Variants in ARHGEF28 observed in about 807,000 individuals in gnomAD.
ARHGEF28 encodes the protein Rho guanine nucleotide exchange factor 28.
ARHGEF28 carries 152 observed loss-of-function variants against 206.6 expected under a neutral mutation model. That is an observed-to-expected ratio of 0.74 (90% CI 0.64 to 0.84). ARHGEF28 has a LOEUF of 0.84. Ranked by LOEUF, ARHGEF28 falls within the 40% of genes least tolerant of loss-of-function variation. The probability of loss-of-function intolerance (pLI) is 0.00; values close to 1 mark genes in which losing one functional copy is unlikely to be tolerated. For missense variants in ARHGEF28, 2,028 were observed against 2,073.2 expected (o/e 0.98, Z 0.42); for synonymous variants, 763 against 776.4 (o/e 0.98, Z 0.29).
chr5:73,882,094 C>G (rs1760992156), intron 22 of ARHGEF28, among the ~76,000 whole-genome samples: 1 of 151,156 alleles, frequency 6.6e-6, no homozygotes, highest in Non-Finnish European at 1.5e-5. Flanking sequence ...TTTGGGGGGC[C>G]AGACCTTCCT....
At chr5:73,895,297 G>A (rs544842017) in intron 29 of ARHGEF28, among the ~76,000 whole-genome samples, 1 of 152,286 alleles carries the variant, frequency 6.6e-6, no homozygotes, top group African/African-American at 2.4e-5. Context: ...AGAAAGTCCA[G>A]AGGATGAGAG....
chr5:73,866,930 A>G (rs549634932), intron 18 of ARHGEF28, among the ~76,000 whole-genome samples: 19 of 152,342 alleles, frequency 1.2e-4, no homozygotes, highest in African/African-American at 4.6e-4. Flanking sequence ...ACAATTATGC[A>G]TGCAAATTTG....
chr5:73,744,672 T>C (rs1046286618), intron 2 of ARHGEF28, among the ~76,000 whole-genome samples: 3 of 152,092 alleles, frequency 2.0e-5, no homozygotes, highest in Non-Finnish European at 4.4e-5. Context: ...GATTATAATA[T>C]TTAACAGTCA....
intron 21 of ARHGEF28, among the ~76,000 whole-genome samples, chr5:73,871,080 C>G (rs1006915324): frequency 6.6e-6 from 1 of 152,130 alleles, no homozygotes; most frequent in African/African-American, 2.4e-5. Context: ...AAGATGCTGT[C>G]CCTCTTAGTA....
At chr5:73,751,425 A>G (rs1752014642) in intron 3 of ARHGEF28, among the ~76,000 whole-genome samples, 1 of 152,074 alleles carries the variant, frequency 6.6e-6, no homozygotes, top group African/African-American at 2.4e-5. Context: ...GAAAACAAAA[A>G]CCAAAACAAA....
At chr5:73,705,831 C>G (rs1220995977) in intron 2 of ARHGEF28, among the ~76,000 whole-genome samples, 1 of 152,154 alleles carries the variant, frequency 6.6e-6, no homozygotes, top group Non-Finnish European at 1.5e-5. Context: ...CAAATGTTGA[C>G]CCCCAATGAT....
chr5:73,877,821 T>C (rs957798440), intron 22 of ARHGEF28, among the ~76,000 whole-genome samples: 6 of 152,214 alleles, frequency 3.9e-5, no homozygotes, highest in African/African-American at 1.4e-4. Context: ...TTACATTTTC[T>C]GAGGAGAGCT....
At chr5:73,772,563 G>A (rs1209697158) in intron 4 of ARHGEF28, among the ~76,000 whole-genome samples, 1 of 152,158 alleles carries the variant, frequency 6.6e-6, no homozygotes, top group Admixed American at 6.5e-5. Flanking sequence ...ATTTTTTGTG[G>A]ACAGTGGGTT....
intron 1 of ARHGEF28, among the ~76,000 whole-genome samples, chr5:73,651,496 ATATGTCTC>A (rs1744826003): frequency 2.0e-5 from 3 of 152,172 alleles, no homozygotes; most frequent in Non-Finnish European, 4.4e-5. Flanking sequence ...GGGAATGTTA[ATATGTCTC>A]CCAAGCTATT....
chr5:73,632,953 A>G (rs1314801535), intron 1 of ARHGEF28, among the ~76,000 whole-genome samples: 2 of 151,878 alleles, frequency 1.3e-5, no homozygotes, highest in East Asian at 3.9e-4. Context: ...ACAACTCACC[A>G]TAATGTAGAA....
intron 9 of ARHGEF28, among the ~76,000 whole-genome samples, chr5:73,822,606 C>T (rs34122174): frequency 0.13 from 19,655 of 151,982 alleles, 1,337 homozygotes; most frequent in East Asian, 0.2. Flanking sequence ...GAGATGAATG[C>T]TAGTTTACCT....
At chr5:73,911,620 T>A in intron 35 of ARHGEF28, 45 bp downstream of exon 35, 1 of 1,518,332 alleles carries the variant, frequency 6.6e-7, no homozygotes, top group South Asian at 1.3e-5. Flanking sequence ...GAACAAGAAG[T>A]TGTCCCTCTG....
At chr5:73,758,714 C>T (rs1752441725) in intron 4 of ARHGEF28, among the ~76,000 whole-genome samples, 1 of 152,070 alleles carries the variant, frequency 6.6e-6, no homozygotes, top group African/African-American at 2.4e-5. Context: ...TGCTACCACG[C>T]CTGGCTTATT....
chr5:73,730,888 T>TTAA (rs1750582957), intron 2 of ARHGEF28, among the ~76,000 whole-genome samples: 1 of 152,164 alleles, frequency 6.6e-6, no homozygotes, highest in East Asian at 1.9e-4. Context: ...TGTTGAGTCT[T>TTAA]TAATTAAACA....
At chr5:73,790,825 T>C (rs888398159) in intron 7 of ARHGEF28, among the ~76,000 whole-genome samples, 3 of 152,132 alleles carry the variant, frequency 2.0e-5, no homozygotes, top group African/African-American at 7.2e-5. Flanking sequence ...ATTTGTACAC[T>C]AGGATAAAAC....
At chr5:73,766,519 A>G (rs1354843290) in intron 4 of ARHGEF28, among the ~76,000 whole-genome samples, 1 of 152,252 alleles carries the variant, frequency 6.6e-6, no homozygotes, top group African/African-American at 2.4e-5. Context: ...AAAGGAAGAT[A>G]TAGGTTTGTA....
intron 26 of ARHGEF28, among the ~76,000 whole-genome samples, chr5:73,889,015 C>A (rs895845530): frequency 6.6e-6 from 1 of 152,156 alleles, no homozygotes; most frequent in Non-Finnish European, 1.5e-5. Flanking sequence ...ATCATTTTAT[C>A]CTTGAAGAGT....
At chr5:73,843,806 A>G (rs1758134481) in intron 11 of ARHGEF28, among the ~76,000 whole-genome samples, 1 of 152,206 alleles carries the variant, frequency 6.6e-6, no homozygotes, top group African/African-American at 2.4e-5. Context: ...ATACAGCAAA[A>G]AATTAAGCAG....
chr5:73,758,781 G>A (rs1447635949), intron 4 of ARHGEF28, among the ~76,000 whole-genome samples: 1 of 152,146 alleles, frequency 6.6e-6, no homozygotes, highest in Non-Finnish European at 1.5e-5. Context: ...TCGAACTCCT[G>A]ACCTCAAGTG....
Sources: gnomAD v4.1 joint callset for allele counts (sites outside exome capture counted in the v4.1 genomes callset) on GRCh38, gnomAD v4.1.1 for gene constraint, MANE v1.5 for transcripts, NCBI Gene and HGNC (gene_info 2026-07-23, HGNC 2026-07-21) for gene names.